Variants in ROBO2 observed in about 807,000 individuals in gnomAD.
The protein encoded by ROBO2 is roundabout homolog 2.
In ROBO2, 53 loss-of-function variants were observed where a neutral mutation model predicts 160.8. That is an observed-to-expected ratio of 0.33 (90% confidence interval 0.26 to 0.41). ROBO2 has a LOEUF of 0.41. Among genes scored for constraint, ROBO2 ranks in the 10% least tolerant of loss-of-function variants. The probability of loss-of-function intolerance (pLI) is 1.00; values close to 1 mark genes in which losing one functional copy is unlikely to be tolerated. For synonymous variants in ROBO2, 664 were observed against 611.7 expected (o/e 1.09, Z -1.26); for missense variants, 1,577 against 1,722.4 (o/e 0.92, Z 1.49).
chr3:76,271,783 T>C (rs1406622572), intron 2 of ROBO2, among the ~76,000 whole-genome samples: 4 of 151,890 alleles, frequency 2.6e-5, no homozygotes, highest in Non-Finnish European at 5.9e-5. Flanking sequence ...TAAACACACA[T>C]AGCCTTTATT....
intron 2 of ROBO2, among the ~76,000 whole-genome samples, chr3:76,337,541 T>C (rs2108117110): frequency 6.6e-6 from 1 of 152,256 alleles, no homozygotes; most frequent in Non-Finnish European, 1.5e-5. Flanking sequence ...TTTGTAAAAT[T>C]TCCCCAGAAC....
intron 4 of ROBO2, among the ~76,000 whole-genome samples, chr3:77,483,575 T>C (rs931579428): frequency 2.6e-5 from 4 of 151,730 alleles, no homozygotes; most frequent in Non-Finnish European, 5.9e-5. Context: ...CAATTTCACT[T>C]TTAAAGGTCT....
chr3:76,228,934 C>G (rs1704455319), intron 2 of ROBO2, among the ~76,000 whole-genome samples: 1 of 152,090 alleles, frequency 6.6e-6, no homozygotes, highest in African/African-American at 2.4e-5. Context: ...ATTGTTTGAG[C>G]CTAGGAGTTC....
chr3:77,483,098 T>C (rs1229278770), intron 4 of ROBO2, among the ~76,000 whole-genome samples: 1 of 152,152 alleles, frequency 6.6e-6, no homozygotes, highest in Non-Finnish European at 1.5e-5. Flanking sequence ...AGATTGAATT[T>C]GTCTAGAGGC....
At chr3:76,030,716 A>G (rs2066891491) in intron 2 of ROBO2, among the ~76,000 whole-genome samples, 1 of 152,022 alleles carries the variant, frequency 6.6e-6, no homozygotes, top group South Asian at 2.1e-4. Context: ...GTTCTGTTCC[A>G]TTGTTCTATG....
intron 2 of ROBO2, among the ~76,000 whole-genome samples, chr3:76,144,387 G>A (rs2071806584): frequency 6.6e-6 from 1 of 151,958 alleles, no homozygotes; most frequent in Admixed American, 6.6e-5. Flanking sequence ...TATAGCAAGA[G>A]GGAAGAATTC....
rs1408017704 is a variant in ROBO2, at chr3:76,155,680, G to A, written c.109+218078G>A. ...ATGAGCTGCAGGTGCAAGTTTGCAC[G>A]TCTTTAACTAATTCATTAAGCCATG... On this transcript the variant is annotated intron_variant, in intron 2 of 26. Transcript: ENST00000487694. Among the ~76,000 whole-genome samples, 3 of 152,100 alleles carry A rather than the reference G, an allele frequency of 2.0e-5. 1 individual carries two copies. Among genetic ancestry groups the A allele is most frequent in the South Asian group, 4.1e-4 (2 of 4,828 alleles).
chr3:77,520,658 GACA>G (rs1272433491), intron 5 of ROBO2, among the ~76,000 whole-genome samples: 1 of 151,130 alleles, frequency 6.6e-6, no homozygotes, highest in Admixed American at 6.6e-5. Flanking sequence ...CTGAAAGTCA[GACA>G]ACAAGAATAA....
intron 2 of ROBO2, among the ~76,000 whole-genome samples, chr3:76,277,887 C>G (rs752162092): frequency 1.3e-3 from 191 of 150,594 alleles, no homozygotes; most frequent in Middle Eastern, 7.0e-3. Flanking sequence ...ATAATAAGTC[C>G]AAGACATTTT....
intron 2 of ROBO2, among the ~76,000 whole-genome samples, chr3:76,917,744 C>T (rs1446388527): frequency 7.9e-6 from 1 of 127,176 alleles, no homozygotes; most frequent in East Asian, 2.4e-4. Flanking sequence ...ATCTGGTGAG[C>T]TAAAAAAAAA....
At chr3:77,458,637 C>T (rs2081940498) in intron 2 of ROBO2, among the ~76,000 whole-genome samples, 1 of 150,978 alleles carries the variant, frequency 6.6e-6, no homozygotes, top group Admixed American at 6.6e-5. Context: ...GAATCAAGCT[C>T]ATATTAGGGA....
chr3:76,608,261 G>A (rs1374644282), intron 2 of ROBO2, among the ~76,000 whole-genome samples: 1 of 152,142 alleles, frequency 6.6e-6, no homozygotes, highest in African/African-American at 2.4e-5. Context: ...GTGATGCTTT[G>A]TCTTCTTGAA....
intron 2 of ROBO2, among the ~76,000 whole-genome samples, chr3:76,813,364 C>T (rs1297448471): frequency 6.6e-6 from 1 of 151,952 alleles, no homozygotes; most frequent in Admixed American, 6.6e-5. Context: ...TGGATTGATT[C>T]CTTTAATCAT....
At chr3:76,452,884 G>T (rs2077548009) in intron 2 of ROBO2, among the ~76,000 whole-genome samples, 1 of 152,092 alleles carries the variant, frequency 6.6e-6, no homozygotes, top group African/African-American at 2.4e-5. Context: ...GTGTGAGATG[G>T]TATCTCATTG....
chr3:76,775,191 T>C (rs968375026), intron 2 of ROBO2, among the ~76,000 whole-genome samples: 1 of 150,728 alleles, frequency 6.6e-6, no homozygotes, highest in Non-Finnish European at 1.5e-5. Flanking sequence ...AATGGATACC[T>C]AACTGCTTAA....
chr3:76,128,735 T>C (rs879479311), intron 2 of ROBO2, among the ~76,000 whole-genome samples: 17 of 152,110 alleles, frequency 1.1e-4, no homozygotes, highest in Non-Finnish European at 2.1e-4. Flanking sequence ...TCCTCAGTCA[T>C]TGACAGTCAA....
At chr3:76,079,836 CA>C (rs2068763033) in intron 2 of ROBO2, among the ~76,000 whole-genome samples, 1 of 149,698 alleles carries the variant, frequency 6.7e-6, no homozygotes, top group Non-Finnish European at 1.5e-5. Flanking sequence ...ACAACAACAA[CA>C]AAGAAAAAAA....
At chr3:77,482,290 C>G (rs549163532) in intron 4 of ROBO2, among the ~76,000 whole-genome samples, 1 of 152,132 alleles carries the variant, frequency 6.6e-6, no homozygotes. Context: ...TTCTTCAGGA[C>G]ACACCCAAGT....
chr3:76,751,193 G>A (rs1296710780), intron 2 of ROBO2, among the ~76,000 whole-genome samples: 1 of 152,036 alleles, frequency 6.6e-6, no homozygotes, highest in Non-Finnish European at 1.5e-5. Context: ...CAAGAAATAG[G>A]GAAAGGATTC....
Sources: gnomAD v4.1 joint callset for allele counts (sites outside exome capture counted in the v4.1 genomes callset) on GRCh38, gnomAD v4.1.1 for gene constraint, MANE v1.5 for transcripts, NCBI Gene and HGNC (gene_info 2026-07-23, HGNC 2026-07-21) for gene names.